Variants in ERC2 observed in about 807,000 individuals in gnomAD.
ERC2 encodes the protein ELKS/RAB6-interacting/CAST family member 2, also known as ERC protein 2.
ERC2 carries 42 observed loss-of-function variants against 114.8 expected under a neutral mutation model. The ratio of observed to expected loss-of-function variants is 0.37; its 90% CI spans 0.29 to 0.47. The LOEUF is 0.47. Ranked by LOEUF, ERC2 falls within the 20% of genes least tolerant of loss-of-function variation. The pLI is 0.99. For missense variants in ERC2, 939 were observed against 1,150.7 expected, an observed-to-expected ratio of 0.82 and a Z score of 2.66; for synonymous variants, 454 against 425.5, an observed-to-expected ratio of 1.07 and a Z score of -0.82.
chr3:56,226,831 C>A (rs2050276356), intron 3 of ERC2, among the ~76,000 whole-genome samples: 1 of 152,168 alleles, frequency 6.6e-6, no homozygotes, highest in African/African-American at 2.4e-5. Flanking sequence ...CATCCAAACT[C>A]CCTGGGCCTC....
intron 2 of ERC2, among the ~76,000 whole-genome samples, chr3:56,301,412 A>G (rs2055867162): frequency 6.6e-6 from 1 of 152,220 alleles, no homozygotes; most frequent in African/African-American, 2.4e-5. Context: ...AGGAAAATAC[A>G]TACCTTGTAG....
At chr3:56,268,177 A>G (rs1305750481) in intron 3 of ERC2, among the ~76,000 whole-genome samples, 1 of 152,190 alleles carries the variant, frequency 6.6e-6, no homozygotes, top group African/African-American at 2.4e-5. Context: ...ATGTTTAGAA[A>G]TATTTAGATA....
chr3:55,643,299 G>A (rs1184861763), intron 17 of ERC2, among the ~76,000 whole-genome samples: 2 of 152,068 alleles, frequency 1.3e-5, no homozygotes, highest in Non-Finnish European at 2.9e-5. Flanking sequence ...CTTGATTGTG[G>A]GGAAGATTTT....
chr3:55,976,173 G>A (rs775694941), intron 12 of ERC2, among the ~76,000 whole-genome samples: 3 of 152,150 alleles, frequency 2.0e-5, no homozygotes, highest in African/African-American at 7.2e-5. Context: ...CAGGGATCTC[G>A]ATTATACAGG....
chr3:55,825,858 C>A (rs1170629200), intron 14 of ERC2, among the ~76,000 whole-genome samples: 3 of 151,998 alleles, frequency 2.0e-5, no homozygotes, highest in African/African-American at 7.2e-5. Flanking sequence ...TTTATAACAT[C>A]ATTATTCCTA....
intron 6 of ERC2, among the ~76,000 whole-genome samples, chr3:56,082,836 G>C (rs1576854993): frequency 6.6e-6 from 1 of 152,100 alleles, no homozygotes; most frequent in East Asian, 1.9e-4. Context: ...CCTCCTGCCA[G>C]ATCAGCAGTG....
chr3:56,429,445 C>A (rs1310287483), intron 2 of ERC2, among the ~76,000 whole-genome samples: 1 of 152,158 alleles, frequency 6.6e-6, no homozygotes, highest in Non-Finnish European at 1.5e-5. Flanking sequence ...CATGGCATTC[C>A]AAAGAATCAG....
At chr3:55,698,370 C>T (rs1254190157) in intron 16 of ERC2, among the ~76,000 whole-genome samples, 1 of 152,032 alleles carries the variant, frequency 6.6e-6, no homozygotes, top group Non-Finnish European at 1.5e-5. Context: ...ATCTTGGAAA[C>T]TTCAAATCTT....
intron 1 of ERC2, among the ~76,000 whole-genome samples, chr3:56,462,613 G>A (rs1318489412): frequency 6.6e-6 from 1 of 152,178 alleles, no homozygotes; most frequent in Non-Finnish European, 1.5e-5. Context: ...GAGGCAAGAT[G>A]ATGATCCTGA....
chr3:56,011,867 G>T (rs1576555502), intron 8 of ERC2, among the ~76,000 whole-genome samples: 1 of 152,150 alleles, frequency 6.6e-6, no homozygotes, highest in East Asian at 1.9e-4. Context: ...GCAGAGGGAA[G>T]TTAGTTTGAA....
At chr3:55,806,545 C>T (rs1185117483) in intron 14 of ERC2, among the ~76,000 whole-genome samples, 2 of 152,002 alleles carry the variant, frequency 1.3e-5, no homozygotes, top group African/African-American at 2.4e-5. Flanking sequence ...GGGATTCTCA[C>T]CCAGGGGTGA....
At chr3:56,100,711 CAGA>C (rs1175892279) in intron 6 of ERC2, among the ~76,000 whole-genome samples, 1 of 152,208 alleles carries the variant, frequency 6.6e-6, no homozygotes, top group Non-Finnish European at 1.5e-5. Context: ...CATCTTTCCT[CAGA>C]AGATCAGGGA....
intron 15 of ERC2, among the ~76,000 whole-genome samples, chr3:55,731,801 T>C (rs1021204354): frequency 3.3e-5 from 5 of 152,158 alleles, no homozygotes; most frequent in African/African-American, 1.2e-4. Flanking sequence ...GCCTAGTACA[T>C]GATGAGAGCT....
chr3:55,741,299 T>C (rs2065950170), intron 14 of ERC2, among the ~76,000 whole-genome samples: 1 of 151,362 alleles, frequency 6.6e-6, no homozygotes, highest in Non-Finnish European at 1.5e-5. Flanking sequence ...TATCCTTGCT[T>C]TTTTTTTTCT....
At chr3:56,244,639 A>C (rs900712868) in intron 3 of ERC2, among the ~76,000 whole-genome samples, 10 of 152,208 alleles carry the variant, frequency 6.6e-5, no homozygotes, top group African/African-American at 2.2e-4. Flanking sequence ...AAATTAACAG[A>C]AAAAAGTTCA....
chr3:55,664,493 A>G (rs2061273694), intron 17 of ERC2, among the ~76,000 whole-genome samples: 1 of 152,168 alleles, frequency 6.6e-6, no homozygotes, highest in South Asian at 2.1e-4. Context: ...CCTGAGCCCG[A>G]GCTCACGAAC....
intron 6 of ERC2, among the ~76,000 whole-genome samples, chr3:56,136,958 A>G (rs1247090358): frequency 6.6e-6 from 1 of 152,186 alleles, no homozygotes; most frequent in Non-Finnish European, 1.5e-5. Context: ...TCAAAGCACC[A>G]ACTCTTTATT....
At chr3:55,517,487 T>G (rs1051728500) in intron 17 of ERC2, among the ~76,000 whole-genome samples, 3 of 149,358 alleles carry the variant, frequency 2.0e-5, no homozygotes, top group African/African-American at 7.4e-5. Flanking sequence ...AAAACCTAAA[T>G]GTTTCCTTTT....
In ERC2 at chr3:56,185,964, T is replaced by C. The variant is rs191792603; in HGVS notation, c.1075-12444A>G. Among the ~76,000 whole-genome samples, 4 of 151,998 alleles carry C rather than the reference T, an allele frequency of 2.6e-5. No homozygotes were observed. The East Asian group carries it at 7.7e-4, about 29-fold the overall frequency. Reference sequence around the variant, plus strand: ...ATTCTGAGATGTAGGGGCCACATCATGTGCAAGGACCACAGGAAGCCTCTA... The same window carrying C: ...ATTCTGAGATGTAGGGGCCACATCACGTGCAAGGACCACAGGAAGCCTCTA... On this transcript the variant is annotated intron_variant, in intron 3 of 17. Coordinates refer to ENST00000288221, the MANE Select transcript of ERC2 (RefSeq NM_015576.3).
Sources: allele counts gnomAD v4.1 joint callset (sites outside exome capture counted in the v4.1 genomes callset), GRCh38; gene constraint gnomAD v4.1.1; transcripts MANE v1.5; gene names NCBI Gene and HGNC (gene_info 2026-07-23, HGNC 2026-07-21).